The following NRF1 variants were observed in gnomAD, a reference collection of about 807,000 sequenced individuals.
The protein encoded by NRF1 is alpha palindromic-binding protein.
A neutral mutation model predicts 58.5 loss-of-function variants in NRF1; 5 were observed. The ratio of observed to expected loss-of-function variants is 0.09; its 90% CI spans 0.04 to 0.18. NRF1 has a LOEUF of 0.18. Among genes scored for constraint, NRF1 ranks in the 10% least tolerant of loss-of-function variants. The pLI is 1.00. For missense variants in NRF1, 288 were observed against 657.7 expected (o/e 0.44, Z 6.15); for synonymous variants, 224 against 246.7 (o/e 0.91, Z 0.86).
intron 1 of NRF1, among the ~76,000 whole-genome samples, chr7:129,614,095 A>G (rs978901969): frequency 1.7e-4 from 26 of 152,062 alleles, no homozygotes; most frequent in Non-Finnish European, 3.7e-4. Context: ...CAAGTCGGCA[A>G]TTTTTGTGGA....
At chr7:129,705,335 G>C (rs1802923235) in intron 5 of NRF1, among the ~76,000 whole-genome samples, 1 of 152,066 alleles carries the variant, frequency 6.6e-6, no homozygotes, top group Admixed American at 6.6e-5. Context: ...CTGTTGCCCA[G>C]GCTGGAGTGT....
intron 10 of NRF1, among the ~76,000 whole-genome samples, chr7:129,734,868 G>A (rs1803669943): frequency 6.6e-6 from 1 of 152,204 alleles, no homozygotes; most frequent in South Asian, 2.1e-4. Flanking sequence ...GCTCCTAGAA[G>A]CCTCTGCTCA....
In NRF1 at chr7:129,683,320, T is replaced by TGAGA. The variant is rs72404049; in HGVS notation, c.465+5585_465+5588dup. Reference sequence around the variant, plus strand: ...GTGTGTGTGTGTGTGTGTGTGTGTGTGAGAGAGAGAGAGAGAGAGAGAGAG... The same window carrying TGAGA: ...GTGTGTGTGTGTGTGTGTGTGTGTGTGAGAGAGAGAGAGAGAGAGAGAGAGAGAG... On this transcript the variant is annotated intron_variant, in intron 4 of 10. Coordinates refer to ENST00000393232, the MANE Select transcript of NRF1 (RefSeq NM_005011.5). 8.1e-5 allele frequency among the ~76,000 whole-genome samples: 11 copies of TGAGA among 136,480 alleles called. No homozygotes were observed. The South Asian group carries it at 9.3e-4, about 12-fold the overall frequency. 89.5% of individuals were successfully genotyped at this position (136,480 alleles called of 152,430 possible).
intron 10 of NRF1, among the ~76,000 whole-genome samples, chr7:129,752,968 A>G (rs969685117): frequency 2.6e-5 from 4 of 152,172 alleles, no homozygotes; most frequent in African/African-American, 4.8e-5. Context: ...GTGAGGGCAC[A>G]CCAGAGGAGC....
chr7:129,648,396 C>G (rs1478741230), intron 1 of NRF1, among the ~76,000 whole-genome samples: 3 of 151,018 alleles, frequency 2.0e-5, no homozygotes, highest in Non-Finnish European at 4.4e-5. Context: ...TCTCCTGCCT[C>G]TGCCTCCCGA....
At chr7:129,655,583 A>G (rs1801635928) in intron 1 of NRF1, among the ~76,000 whole-genome samples, 1 of 151,714 alleles carries the variant, frequency 6.6e-6, no homozygotes, top group East Asian at 1.9e-4. Flanking sequence ...GCGTAGTGGC[A>G]TGATCTCAGC....
At chr7:129,683,353 G>GAGAGAGAGAGAT (rs1802372559) in intron 4 of NRF1, among the ~76,000 whole-genome samples, 1 of 147,640 alleles carries the variant, frequency 6.8e-6, no homozygotes, top group African/African-American at 2.5e-5. Flanking sequence ...GAGAAAGAGA[G>GAGAGAGAGAGAT]AGACTTGCTC....
intron 4 of NRF1, among the ~76,000 whole-genome samples, chr7:129,683,306 T>TGA (rs1293702751): frequency 1.5e-3 from 207 of 142,420 alleles, no homozygotes; most frequent in Middle Eastern, 3.6e-3. Context: ...TGTGTGTGTG[T>TGA]GTGTGTGTGT....
At chr7:129,638,906 T>C (rs1801227582) in intron 1 of NRF1, among the ~76,000 whole-genome samples, 1 of 152,182 alleles carries the variant, frequency 6.6e-6, no homozygotes, top group African/African-American at 2.4e-5. Context: ...TCTTGAAATA[T>C]AATATGCTTT....
chr7:129,749,426 A>G (rs1440419978), intron 10 of NRF1, among the ~76,000 whole-genome samples: 1 of 146,246 alleles, frequency 6.8e-6, no homozygotes, highest in African/African-American at 2.4e-5. Flanking sequence ...CAAGAATGAT[A>G]CACATTAAAA....
chr7:129,624,433 T>G (rs1800871491), intron 1 of NRF1, among the ~76,000 whole-genome samples: 1 of 152,220 alleles, frequency 6.6e-6, no homozygotes, highest in Non-Finnish European at 1.5e-5. Flanking sequence ...GAAACTCATT[T>G]GTAATATTTT....
chr7:129,623,485 A>G (rs1425063798), intron 1 of NRF1, among the ~76,000 whole-genome samples: 3 of 152,128 alleles, frequency 2.0e-5, no homozygotes, highest in Non-Finnish European at 4.4e-5. Flanking sequence ...TCAGTGAAAT[A>G]TGTGATATAT....
At position 129,633,856 on chromosome 7, in the gene NRF1, A is replaced by G. The variant is rs1584591852; in HGVS notation, c.-7+22032A>G. On this transcript the variant is annotated intron_variant, in intron 1 of 10. Transcript: ENST00000393232. ...TTAAGAATAAATATATATAAACTATATGTGTAACAAATTTATAATATATAA... is the reference window on the plus strand; with the variant it reads ...TTAAGAATAAATATATATAAACTATGTGTGTAACAAATTTATAATATATAA... The G allele has an allele frequency of 3.3e-5, 5 of 151,346 alleles. No homozygotes were observed. In the East Asian group the frequency reaches 7.7e-4, roughly 23 times the overall value. The allele number at this position is 151,346 out of a possible 1,614,324, so 9.4% of individuals were successfully genotyped here. A position where few individuals can be genotyped will look rare whatever the true frequency, so the allele number is the denominator to read the frequency against.
chr7:129,694,017 T>A (rs1463848848), intron 5 of NRF1, among the ~76,000 whole-genome samples: 2 of 152,246 alleles, frequency 1.3e-5, no homozygotes, highest in Non-Finnish European at 2.9e-5. Context: ...GTTTTCCATA[T>A]TTGTCAAAAC....
intron 9 of NRF1, among the ~76,000 whole-genome samples, chr7:129,722,259 T>C (rs1300295831): frequency 6.6e-6 from 1 of 151,972 alleles, no homozygotes; most frequent in East Asian, 1.9e-4. Context: ...GGCGTGGTGG[T>C]GCATGCCTGT....
chr7:129,735,020 T>C, intron 10 of NRF1: 1 of 982,844 alleles, frequency 1.0e-6, no homozygotes, highest in South Asian at 4.7e-5. Context: ...GGAGCGAGTT[T>C]ATTGGCTTAT....
At chr7:129,678,357 T>C (rs1802231897) in intron 4 of NRF1, among the ~76,000 whole-genome samples, 1 of 152,252 alleles carries the variant, frequency 6.6e-6, no homozygotes, top group Non-Finnish European at 1.5e-5. Context: ...AGTAGATTAA[T>C]GATCTGTAAA....
rs545759384 is a variant in NRF1 at position 129,639,549 on chromosome 7, T to C, written c.-6-17797T>C. On this transcript the variant is annotated intron_variant, in intron 1 of 10. Transcript: ENST00000393232. ...CAGCCCCTTGTCCCCACAACCCTTT[T>C]TTTTTTTTTTTTGCGAGATGGAGTC... 1.1e-4 allele frequency among the ~76,000 whole-genome samples: 17 copies of C among 149,706 alleles called. No individual in the cohort carries two copies. In the South Asian group the frequency reaches 3.4e-3, roughly 30 times the overall value.
chr7:129,728,778 A>G (rs913147241), intron 10 of NRF1, among the ~76,000 whole-genome samples: 1 of 152,258 alleles, frequency 6.6e-6, no homozygotes, highest in Non-Finnish European at 1.5e-5. Flanking sequence ...CAAAGATGCC[A>G]AACAAATTCA....
Sources: gnomAD v4.1 joint callset for allele counts (sites outside exome capture counted in the v4.1 genomes callset) on GRCh38, gnomAD v4.1.1 for gene constraint, MANE v1.5 for transcripts, NCBI Gene and HGNC (gene_info 2026-07-23, HGNC 2026-07-21) for gene names.